ESRRB: variants seen among roughly 807,000 people sequenced by gnomAD.
ESRRB encodes estrogen related receptor beta.
ESRRB carries 16 observed loss-of-function variants against 46.0 expected under a neutral mutation model. The observed-to-expected ratio is 0.35, with a 90% CI of 0.24 to 0.53. The LOEUF is 0.53. Among genes scored for constraint, ESRRB ranks in the 20% least tolerant of loss-of-function variants. ESRRB has a pLI of 0.93. For synonymous variants in ESRRB, 246 were observed against 259.6 expected (o/e 0.95, Z 0.50); for missense variants, 488 against 607.4 (o/e 0.80, Z 2.07).
Position 76,417,804 on chromosome 14 carries a change from G to A in ESRRB, c.51-21537G>A, listed in dbSNP as rs74982402. On this transcript the variant is annotated intron_variant, in intron 1 of 6. Coordinates refer to ENST00000644823, the MANE Select transcript of ESRRB (RefSeq NM_001379180.1). ...AAAGAACAAGCCTTCCCAGAGGCCC[G>A]AGGCATCACACAGGTAGTCCCTGGC... Among the ~76,000 whole-genome samples the A allele has an allele frequency of 9.1e-3, 1,382 of 152,130 alleles. 21 individuals carry two copies. The highest frequency in any genetic ancestry group is 0.03 in the African/African-American group (1,225 of 41,478).
Position 76,499,397 on chromosome 14 carries a change from G to A in ESRRB, c.*939G>A, listed in dbSNP as rs1595179686. 2 of 265,160 alleles carry A rather than the reference G, an allele frequency of 7.5e-6. No homozygotes were observed. The highest frequency in any genetic ancestry group is 9.3e-5 in the East Asian group (1 of 10,750). 16.4% of individuals were successfully genotyped at this position (265,160 alleles called of 1,614,324 possible). A position where few individuals can be genotyped will look rare whatever the true frequency, so the allele number is the denominator to read the frequency against. ...CCTGGCTCCATCCAAGAGCACCCCG[G>A]GGGGAGGATCAGGACAGGATGGACA... On this transcript the variant is annotated 3_prime_UTR_variant, in exon 7 of 7. Transcript: ENST00000644823.
intron 1 of ESRRB, among the ~76,000 whole-genome samples, chr14:76,341,229 C>T (rs556099637): frequency 6.6e-6 from 1 of 152,378 alleles, no homozygotes; most frequent in Non-Finnish European, 1.5e-5. Flanking sequence ...ACAGTCTTCG[C>T]TGAGTGCCCA....
rs751511262 is a variant in ESRRB, at chr14:76,482,170, C to A, written c.688+44C>A. ...CCTGCCCCTTTTGCCAGCATCTGTA[C>A]CTGGAACATCAGGCATCCCTTAGGG... On this transcript the variant is annotated intron_variant, in intron 4 of 6. Coordinates refer to ENST00000644823, the MANE Select transcript of ESRRB (RefSeq NM_001379180.1). This position sits in a 1 kb window ranked among gnomAD's most constrained non-coding sequence, Gnocchi z 4.3. 5 of 1,403,120 alleles carry A rather than the reference C, an allele frequency of 3.6e-6. 1 individual carries two copies. The East Asian group carries it at 9.1e-5, about 26-fold the overall frequency. The allele number at this position is 1,403,120 out of a possible 1,614,324, so 86.9% of individuals were successfully genotyped here. A position where few individuals can be genotyped will look rare whatever the true frequency, so the allele number is the denominator to read the frequency against.
At chr14:76,342,927 A>G (rs1392276614) in intron 1 of ESRRB, among the ~76,000 whole-genome samples, 5 of 152,190 alleles carry the variant, frequency 3.3e-5, no homozygotes, top group African/African-American at 1.2e-4. Context: ...GCAGGGATCG[A>G]GTAAGCAAAG....
rs1890613855 is a variant in ESRRB at position 76,500,279 on chromosome 14, ATG to A, written c.*1825_*1826del. On this transcript the variant is annotated 3_prime_UTR_variant, in exon 7 of 7. Coordinates refer to ENST00000644823, the MANE Select transcript of ESRRB (RefSeq NM_001379180.1). ...TTTCAAGAGCCCTCCCAGACCAGTG[ATG>A]TGTCCCTCCGGCTCCCCTTGCCTGT... is the stretch of plus-strand genomic sequence containing the variant. 3 of 600,262 alleles carry A rather than the reference ATG, an allele frequency of 5.0e-6. No individual in the cohort carries two copies. Among genetic ancestry groups the A allele is most frequent in the Non-Finnish European group, 8.8e-6 (3 of 339,388 alleles). The allele number at this position is 600,262 out of a possible 1,614,324, so 37.2% of individuals were successfully genotyped here. A position where few individuals can be genotyped will look rare whatever the true frequency, so the allele number is the denominator to read the frequency against.
chr14:76,483,465 GA>G (rs1375623096), intron 5 of ESRRB, among the ~76,000 whole-genome samples: 8 of 152,210 alleles, frequency 5.3e-5, no homozygotes, highest in African/African-American at 1.9e-4. Flanking sequence ...TTCTGGTGCG[GA>G]AAGTGTGTGT....
Position 76,498,648 on chromosome 14 carries a change from G to A in ESRRB, c.*190G>A. ...TGCAGTGGGGTGGGGGACGGGGATG[G>A]GGGGGCAGGGGTGTGGGGCTCGACT... On this transcript the variant is annotated 3_prime_UTR_variant, in exon 7 of 7. Transcript: ENST00000644823. The A allele has an allele frequency of 8.5e-7, 1 of 1,170,660 alleles. No homozygotes were observed. Among genetic ancestry groups the A allele is most frequent in the South Asian group, 1.4e-5 (1 of 73,950 alleles). The allele number at this position is 1,170,660 out of a possible 1,614,324, so 72.5% of individuals were successfully genotyped here.
chr14:76,428,002 T>TTA (rs888316639), intron 1 of ESRRB, among the ~76,000 whole-genome samples: 3 of 152,108 alleles, frequency 2.0e-5, no homozygotes, highest in African/African-American at 7.2e-5. Context: ...AGTAATTGGG[T>TTA]TATATATATG....
At chr14:76,449,439 T>C (rs986914859) in intron 2 of ESRRB, among the ~76,000 whole-genome samples, 21 of 151,934 alleles carry the variant, frequency 1.4e-4, no homozygotes, top group Admixed American at 9.2e-4. Context: ...TAATCCCAGC[T>C]ACTTGGGAGG....
chr14:76,424,182 G>A (rs74068622), intron 1 of ESRRB, among the ~76,000 whole-genome samples: 2,125 of 152,270 alleles, frequency 0.014, 24 homozygotes, highest in Middle Eastern at 0.017. Context: ...CCATTGTCCC[G>A]AGCATAGAGC....
intron 5 of ESRRB, among the ~76,000 whole-genome samples, chr14:76,487,968 A>C (rs1890083385): frequency 6.6e-6 from 1 of 152,072 alleles, no homozygotes; most frequent in Non-Finnish European, 1.5e-5. Context: ...TTTTATTTTT[A>C]ATTTAATTAT....
chr14:76,356,550 C>CA (rs1487801653), intron 1 of ESRRB, among the ~76,000 whole-genome samples: 1 of 152,206 alleles, frequency 6.6e-6, no homozygotes, highest in African/African-American at 2.4e-5. Context: ...CCTTCTAGCC[C>CA]CAGCCTGCCC....
intron 2 of ESRRB, among the ~76,000 whole-genome samples, chr14:76,440,849 A>G (rs1178360870): frequency 1.3e-5 from 2 of 152,110 alleles, no homozygotes; most frequent in African/African-American, 4.8e-5. Context: ...CCTGGCCAAC[A>G]TGGTGAAACC....
intron 3 of ESRRB, among the ~76,000 whole-genome samples, chr14:76,469,482 A>T (rs9944093): frequency 0.18 from 27,977 of 152,134 alleles, 2,621 homozygotes; most frequent in Middle Eastern, 0.23. Flanking sequence ...TCATTAGCAC[A>T]CAAGTACACT....
intron 6 of ESRRB, among the ~76,000 whole-genome samples, chr14:76,492,732 T>A (rs894932844): frequency 1.3e-5 from 2 of 152,214 alleles, no homozygotes; most frequent in African/African-American, 4.8e-5. Flanking sequence ...CCTTCCCAAC[T>A]GAGTGGTTTA....
Position 76,448,414 on chromosome 14 carries a change from C to A in ESRRB, c.460+8664C>A, listed in dbSNP as rs998313023. On this transcript the variant is annotated intron_variant, in intron 2 of 6. Transcript: ENST00000644823. The stretch of plus-strand genomic sequence containing the variant: ...CGCAATCTCGGCTCACTGCAACCTC[C>A]GCCTCCCAGGTCCAAGTGATTCTTC... Among the ~76,000 whole-genome samples, 8 of 151,626 alleles carry A rather than the reference C, an allele frequency of 5.3e-5. No homozygotes were observed. The East Asian group carries it at 1.4e-3, about 26-fold the overall frequency.
intron 5 of ESRRB, among the ~76,000 whole-genome samples, chr14:76,483,735 G>A (rs1889897220): frequency 6.6e-6 from 1 of 152,140 alleles, no homozygotes; most frequent in South Asian, 2.1e-4. Flanking sequence ...CCATGAACAT[G>A]GGACAAGTCA....
At chr14:76,352,243 T>C (rs540001714) in intron 1 of ESRRB, among the ~76,000 whole-genome samples, 1 of 152,266 alleles carries the variant, frequency 6.6e-6, no homozygotes, top group Non-Finnish European at 1.5e-5. Flanking sequence ...TTACACATCA[T>C]TGGGAGCATT....
intron 1 of ESRRB, among the ~76,000 whole-genome samples, chr14:76,397,209 A>G (rs1885725592): frequency 6.6e-6 from 1 of 152,188 alleles, no homozygotes; most frequent in East Asian, 1.9e-4. Flanking sequence ...CAGGTCACAG[A>G]TAGACTTGCA....
Sources: allele counts gnomAD v4.1 joint callset (sites outside exome capture counted in the v4.1 genomes callset), GRCh38; gene constraint gnomAD v4.1.1; non-coding constraint Gnocchi (gnomAD v3.1); transcripts MANE v1.5; gene names NCBI Gene and HGNC (gene_info 2026-07-23, HGNC 2026-07-21).